ZCWPW2: variants seen among roughly 807,000 people sequenced by gnomAD.
ZCWPW2 encodes zinc finger CW-type and PWWP domain containing 2, also known as zinc finger CW-type PWWP domain protein 2.
Under a neutral mutation model 46.6 loss-of-function variants are expected in ZCWPW2, and 45 were observed. The ratio of observed to expected loss-of-function variants is 0.96; its 90% CI spans 0.76 to 1.24. The LOEUF (loss-of-function observed/expected upper bound fraction) is 1.24. Among genes scored for constraint, ZCWPW2 ranks in the 50% most tolerant of loss-of-function variants. ZCWPW2 has a pLI of 0.00. For missense variants in ZCWPW2, 429 were observed against 403.9 expected (o/e 1.06, Z -0.53); for synonymous variants, 152 against 137.1 (o/e 1.11, Z -0.76).
rs1235758873 is a variant in ZCWPW2, at chr3:28,381,049, T to G, written c.-133-9449T>G. On this transcript the variant is annotated intron_variant, in intron 1 of 9. Transcript: ENST00000383768. Reference sequence around the variant, plus strand: ...GGTATATATATATATATATATTTGGTGTATATATATATATATATATATATA... The same window carrying G: ...GGTATATATATATATATATATTTGGGGTATATATATATATATATATATATA... Among the ~76,000 whole-genome samples the G allele has an allele frequency of 7.0e-5, 2 of 28,370 alleles. 1 individual carries two copies. Among genetic ancestry groups the G allele is most frequent in the Non-Finnish European group, 1.2e-4 (2 of 16,148 alleles). The allele number at this position is 28,370 out of a possible 152,430, so 18.6% of individuals were successfully genotyped here.
intron 4 of ZCWPW2, among the ~76,000 whole-genome samples, chr3:28,437,864 A>G (rs1020752920): frequency 6.6e-6 from 1 of 152,222 alleles, no homozygotes; most frequent in African/African-American, 2.4e-5. Flanking sequence ...TAGAGTAGGA[A>G]GCACCATGAA....
At chr3:28,514,201 T>C in intron 7 of ZCWPW2, 79 bp downstream of exon 7, 1 of 951,838 alleles carries the variant, frequency 1.1e-6, no homozygotes, top group Non-Finnish European at 1.4e-6. Context: ...CCCCGGCTAA[T>C]AACCCTAAAC....
At chr3:28,439,130 C>T (rs1697623936) in intron 4 of ZCWPW2, among the ~76,000 whole-genome samples, 1 of 143,036 alleles carries the variant, frequency 7.0e-6, no homozygotes, top group Non-Finnish European at 1.5e-5. Flanking sequence ...TATATATACA[C>T]ACATCATAGG....
chr3:28,504,388 ATCT>A (rs1191687553), intron 6 of ZCWPW2, among the ~76,000 whole-genome samples: 10 of 152,098 alleles, frequency 6.6e-5, no homozygotes, highest in Non-Finnish European at 1.3e-4. Context: ...TATGAGAGAG[ATCT>A]TCTTATGCAT....
At chr3:28,357,950 G>T (rs915533627) in intron 1 of ZCWPW2, among the ~76,000 whole-genome samples, 6 of 151,514 alleles carry the variant, frequency 4.0e-5, no homozygotes, top group Admixed American at 3.3e-4. Context: ...AATTGCCTAT[G>T]AATCAGTACT....
intron 4 of ZCWPW2, among the ~76,000 whole-genome samples, chr3:28,438,076 A>G (rs1347946476): frequency 6.6e-6 from 1 of 152,198 alleles, no homozygotes; most frequent in Admixed American, 6.5e-5. Context: ...AGACAGTTGC[A>G]CATGTTTCTG....
chr3:28,450,339 T>G (rs565293760), intron 4 of ZCWPW2, among the ~76,000 whole-genome samples: 1 of 152,206 alleles, frequency 6.6e-6, no homozygotes, highest in South Asian at 2.1e-4. Flanking sequence ...TCTAACCCAA[T>G]AGTAATCAGT....
At chr3:28,515,032 T>TA (rs1475066815) in intron 7 of ZCWPW2, among the ~76,000 whole-genome samples, 2 of 152,222 alleles carry the variant, frequency 1.3e-5, no homozygotes, top group East Asian at 3.8e-4. Flanking sequence ...ATCTCCATTT[T>TA]AAAAAATGAA....
At chr3:28,422,046 T>C (rs1354089156) in intron 3 of ZCWPW2, among the ~76,000 whole-genome samples, 1 of 152,142 alleles carries the variant, frequency 6.6e-6, no homozygotes, top group Non-Finnish European at 1.5e-5. Context: ...TAATTGACTT[T>C]ATCTTTTAGA....
At chr3:28,455,592 T>G (rs1210404087) in intron 4 of ZCWPW2, among the ~76,000 whole-genome samples, 3 of 152,068 alleles carry the variant, frequency 2.0e-5, no homozygotes, top group Admixed American at 6.6e-5. Context: ...CCTAGTTTTT[T>G]TTTTCCAGTG....
At chr3:28,357,704 C>T (rs1470847696) in intron 1 of ZCWPW2, among the ~76,000 whole-genome samples, 3 of 151,514 alleles carry the variant, frequency 2.0e-5, no homozygotes, top group East Asian at 1.9e-4. Flanking sequence ...TGACTCTCCT[C>T]GTTCTCTAGC....
At chr3:28,456,252 A>T (rs1698417229) in intron 4 of ZCWPW2, among the ~76,000 whole-genome samples, 1 of 152,026 alleles carries the variant, frequency 6.6e-6, no homozygotes, top group African/African-American at 2.4e-5. Flanking sequence ...GCAATTGTGA[A>T]TGGGAATTCA....
intron 2 of ZCWPW2, among the ~76,000 whole-genome samples, chr3:28,393,953 G>T (rs746806826): frequency 6.1e-4 from 92 of 151,960 alleles, no homozygotes; most frequent in Non-Finnish European, 1.1e-3. Context: ...ACTAAAAGGA[G>T]TAAAAGATAT....
At chr3:28,445,114 T>C (rs528560773) in intron 4 of ZCWPW2, among the ~76,000 whole-genome samples, 1 of 151,706 alleles carries the variant, frequency 6.6e-6, no homozygotes, top group Non-Finnish European at 1.5e-5. Context: ...AAAATCTATA[T>C]TAGTCAGGGT....
chr3:28,509,368 G>A (rs1446892166), intron 6 of ZCWPW2, among the ~76,000 whole-genome samples: 2 of 151,934 alleles, frequency 1.3e-5, no homozygotes, highest in Non-Finnish European at 2.9e-5. Context: ...GAGATCATAG[G>A]GTAACTCTAA....
In ZCWPW2 at chr3:28,478,278, C is replaced by G. The variant is rs759985130; in HGVS notation, c.493-536C>G. On this transcript the variant is annotated intron_variant, in intron 4 of 9. Coordinates refer to ENST00000383768, the MANE Select transcript of ZCWPW2 (RefSeq NM_001040432.4). ...TTATTTTTTGAGACAGAGTCTTACT[C>G]TCTCACCTAGACTGGAGTGCAGTGG... is the stretch of plus-strand genomic sequence containing the variant. The G allele has an allele frequency of 1.7e-5, 5 of 302,770 alleles. No homozygotes were observed. The Middle Eastern group carries it at 4.4e-3, about 269-fold the overall frequency. 18.8% of individuals were successfully genotyped at this position (302,770 alleles called of 1,614,324 possible).
chr3:28,411,691 C>A (rs1394273011), intron 2 of ZCWPW2, among the ~76,000 whole-genome samples: 5 of 152,014 alleles, frequency 3.3e-5, no homozygotes, highest in Non-Finnish European at 7.4e-5. Flanking sequence ...TGACTGGTGA[C>A]CCAGAAAGTA....
intron 1 of ZCWPW2, among the ~76,000 whole-genome samples, chr3:28,386,380 G>A (rs1227566240): frequency 6.6e-6 from 1 of 152,110 alleles, no homozygotes; most frequent in East Asian, 1.9e-4. Flanking sequence ...CTAGTTTCTA[G>A]AACTCTAAGA....
chr3:28,387,035 C>G (rs1695301637), intron 1 of ZCWPW2, among the ~76,000 whole-genome samples: 1 of 152,184 alleles, frequency 6.6e-6, no homozygotes, highest in Admixed American at 6.5e-5. Context: ...CTGTTTTCCC[C>G]CTTCCGCCCA....
Sources: allele counts gnomAD v4.1 joint callset (sites outside exome capture counted in the v4.1 genomes callset), GRCh38; gene constraint gnomAD v4.1.1; transcripts MANE v1.5; gene names NCBI Gene and HGNC (gene_info 2026-07-23, HGNC 2026-07-21).